The following VAPA variants were observed in gnomAD, a reference collection of about 807,000 sequenced individuals.
VAPA encodes VAMP associated protein A.
In VAPA, 6 loss-of-function variants were observed where a neutral mutation model predicts 25.6. The observed-to-expected ratio is 0.23, with a 90% CI of 0.13 to 0.46. The LOEUF (loss-of-function observed/expected upper bound fraction) is 0.46, where lower values mean the gene tolerates loss of function less well. VAPA is among the 20% of genes least tolerant of loss of function. VAPA has a pLI of 0.99. For synonymous variants in VAPA, 112 were observed against 106.2 expected (o/e 1.05, Z -0.34); for missense variants, 244 against 302.1 (o/e 0.81, Z 1.43).
At position 9,954,488 on chromosome 18, in the gene VAPA, C is replaced by G; in HGVS notation, c.*277C>G. ...TGAAATTCATAAATAAAGAATTGTT[C>G]TTTCTTTGTGGTTTTAATAAGAGTT... On this transcript the variant is annotated 3_prime_UTR_variant, in exon 6 of 6. Coordinates refer to ENST00000400000, the MANE Select transcript of VAPA (RefSeq NM_194434.3). 1.3e-5 allele frequency: 4 copies of G among 299,528 alleles called. No homozygotes were observed. Among genetic ancestry groups the G allele is most frequent in the East Asian group, 1.3e-4 (2 of 15,532 alleles). The allele number at this position is 299,528 out of a possible 1,614,324, so 18.6% of individuals were successfully genotyped here.
intron 4 of VAPA, among the ~76,000 whole-genome samples, chr18:9,946,120 C>T (rs2069420633): frequency 6.6e-6 from 1 of 152,012 alleles, no homozygotes; most frequent in Non-Finnish European, 1.5e-5. Context: ...AGTAAAAATA[C>T]TTGGGATATT....
chr18:9,922,046 T>A (rs79018227), intron 1 of VAPA, among the ~76,000 whole-genome samples: 2 of 152,278 alleles, frequency 1.3e-5, no homozygotes, highest in Admixed American at 1.3e-4. Context: ...GGTGCTGTTA[T>A]AGCTCACTGC....
intron 2 of VAPA, among the ~76,000 whole-genome samples, 174 bp downstream of exon 2, chr18:9,932,136 C>T (rs550261018): frequency 6.6e-6 from 1 of 152,334 alleles, no homozygotes; most frequent in African/African-American, 2.4e-5. Flanking sequence ...AAATTTCTCA[C>T]TCATCTTCTG....
rs555963815 is a variant in VAPA, at chr18:9,939,508, C to A, written c.417+2442C>A. On this transcript the variant is annotated intron_variant, in intron 4 of 5. Coordinates refer to ENST00000400000, the MANE Select transcript of VAPA (RefSeq NM_194434.3). ...GTTTCTTAAATCTCTTAGTTTGTTA[C>A]GTTTCCTCTCTTTTTTTTTTTTTTT... 1.5e-5 allele frequency among the ~76,000 whole-genome samples: 2 copies of A among 137,556 alleles called. 1 individual carries two copies. The highest frequency in any genetic ancestry group is 4.6e-4 in the South Asian group (2 of 4,310). 90.2% of individuals were successfully genotyped at this position (137,556 alleles called of 152,430 possible).
At chr18:9,949,419 C>T (rs2069463307) in intron 4 of VAPA, 1 of 152,050 alleles carries the variant, frequency 6.6e-6, no homozygotes, top group Non-Finnish European at 1.5e-5. Flanking sequence ...ACAAGTTTTG[C>T]CCTTTGAACA....
chr18:9,932,759 G>T (rs1235539624), intron 2 of VAPA, among the ~76,000 whole-genome samples: 1 of 152,184 alleles, frequency 6.6e-6, no homozygotes, highest in Non-Finnish European at 1.5e-5. Flanking sequence ...CAGGGAGCAG[G>T]AACACACATG....
At chr18:9,950,709 C>T (rs2069481140) in intron 5 of VAPA, 141 bp downstream of exon 5, 2 of 746,674 alleles carry the variant, frequency 2.7e-6, no homozygotes, top group African/African-American at 1.8e-5. Context: ...TTGCTCCCCA[C>T]CCTACTCCTC....
Position 9,914,159 on chromosome 18 carries a change from C to T in VAPA, c.-98C>T, listed in dbSNP as rs1053854050. ...GGCTCGGGAGCCGCGAGCCTGGCCTCGTCCTAGAGCTCGGCCGAGCCGTCG... is the reference window on the plus strand; with the variant it reads ...GGCTCGGGAGCCGCGAGCCTGGCCTTGTCCTAGAGCTCGGCCGAGCCGTCG... On this transcript the variant is annotated 5_prime_UTR_variant, in exon 1 of 6. Transcript: ENST00000400000. The T allele has an allele frequency of 4.6e-6, 5 of 1,096,814 alleles. No individual in the cohort carries two copies. Among genetic ancestry groups the T allele is most frequent in the Non-Finnish European group, 6.4e-6 (5 of 782,112 alleles). 67.9% of individuals were successfully genotyped at this position (1,096,814 alleles called of 1,614,324 possible).
chr18:9,957,073 C>T lies in VAPA; in HGVS notation c.*2862C>T, dbSNP rs951205374. 1 of 151,850 alleles carries T rather than the reference C, an allele frequency of 6.6e-6. No homozygotes were observed. The highest frequency in any genetic ancestry group is 1.5e-5 in the Non-Finnish European group (1 of 67,968). The allele number at this position is 151,850 out of a possible 1,614,324, so 9.4% of individuals were successfully genotyped here. On this transcript the variant is annotated 3_prime_UTR_variant, in exon 6 of 6. Coordinates refer to ENST00000400000, the MANE Select transcript of VAPA (RefSeq NM_194434.3). ...TTGAGACAGAGTCTTGCTTTGTTGC[C>T]CAGGCTGGAGGGCAGTGGTGTGATC...
intron 4 of VAPA, among the ~76,000 whole-genome samples, chr18:9,938,667 GAA>G (rs2069335814): frequency 6.6e-6 from 1 of 152,198 alleles, no homozygotes; most frequent in Non-Finnish European, 1.5e-5. Flanking sequence ...GTACTTTAGA[GAA>G]TATCTGAGTC....
chr18:9,939,679 A>C (rs2069347836), intron 4 of VAPA, among the ~76,000 whole-genome samples: 1 of 151,976 alleles, frequency 6.6e-6, no homozygotes, highest in African/African-American at 2.4e-5. Context: ...GTTTGAAATG[A>C]GTGGTTCTTA....
chr18:9,914,059 G>C lies in VAPA; in HGVS notation c.-198G>C. 3.9e-6 allele frequency: 2 copies of C among 510,306 alleles called. No homozygotes were observed. Among genetic ancestry groups the C allele is most frequent in the Non-Finnish European group, 6.9e-6 (2 of 290,234 alleles). The allele number at this position is 510,306 out of a possible 1,614,324, so 31.6% of individuals were successfully genotyped here. ...TGGCCGTGGCGGCTGGTGTGGGGTTGAGTCAGTTGTGGGACCCGGAGCTGC... is the reference window on the plus strand; with the variant it reads ...TGGCCGTGGCGGCTGGTGTGGGGTTCAGTCAGTTGTGGGACCCGGAGCTGC... On this transcript the variant is annotated 5_prime_UTR_variant, in exon 1 of 6. Transcript: ENST00000400000.
intron 4 of VAPA, among the ~76,000 whole-genome samples, chr18:9,942,645 T>G (rs1200835740): frequency 2.0e-5 from 3 of 152,138 alleles, no homozygotes; most frequent in African/African-American, 7.2e-5. Flanking sequence ...GGCTTCTGCT[T>G]CTGAGGAGGC....
At chr18:9,927,025 T>A (rs1028898858) in intron 1 of VAPA, among the ~76,000 whole-genome samples, 23 of 152,134 alleles carry the variant, frequency 1.5e-4, no homozygotes, top group African/African-American at 5.5e-4. Context: ...TAGAAGTGTT[T>A]TCTGTTTTCT....
chr18:9,924,947 C>T (rs2069187842), intron 1 of VAPA: 2 of 151,882 alleles, frequency 1.3e-5, no homozygotes, highest in East Asian at 1.9e-4. Context: ...TCCCTTGCCC[C>T]AGAAGGCTGC....
intron 1 of VAPA, among the ~76,000 whole-genome samples, chr18:9,917,706 C>T (rs2069123390): frequency 6.6e-6 from 1 of 152,072 alleles, no homozygotes; most frequent in African/African-American, 2.4e-5. Flanking sequence ...TTGAGAGTGG[C>T]CGATAACAAT....
rs779230016 is a variant in VAPA, at chr18:9,956,320, G to T, written c.*2109G>T. 2.0e-5 allele frequency: 3 copies of T among 152,152 alleles called. No homozygotes were observed. Among genetic ancestry groups the T allele is most frequent in the Non-Finnish European group, 2.9e-5 (2 of 68,030 alleles). 9.4% of individuals were successfully genotyped at this position (152,152 alleles called of 1,614,324 possible). A position where few individuals can be genotyped will look rare whatever the true frequency, so the allele number is the denominator to read the frequency against. On this transcript the variant is annotated 3_prime_UTR_variant, in exon 6 of 6. Transcript: ENST00000400000. ...ATGGCTGAAATAATGAACATAAAAT[G>T]CTATTTATAATAACAAGTATATGTG...
chr18:9,930,346 A>C (rs2069241200), intron 1 of VAPA, among the ~76,000 whole-genome samples: 1 of 152,114 alleles, frequency 6.6e-6, no homozygotes, highest in South Asian at 2.1e-4. Flanking sequence ...TCCTAGTCAA[A>C]ATAGTCCTAT....
intron 4 of VAPA, among the ~76,000 whole-genome samples, chr18:9,945,525 A>G (rs1282644911): frequency 6.6e-6 from 1 of 151,358 alleles, no homozygotes; most frequent in Non-Finnish European, 1.5e-5. Context: ...ATGCCTGGCT[A>G]ATTTTTGTAT....
Sources: allele counts gnomAD v4.1 joint callset (sites outside exome capture counted in the v4.1 genomes callset), GRCh38; gene constraint gnomAD v4.1.1; transcripts MANE v1.5; gene names NCBI Gene and HGNC (gene_info 2026-07-23, HGNC 2026-07-21).